The following NCAPD3 variants were observed in gnomAD, a reference collection of about 807,000 sequenced individuals.
The protein encoded by NCAPD3 is condensin-2 complex subunit D3.
Under a neutral mutation model 182.9 loss-of-function variants are expected in NCAPD3, and 105 were observed. The ratio of observed to expected loss-of-function variants is 0.57; its 90% CI spans 0.49 to 0.68. NCAPD3 has a LOEUF of 0.68. Ranked by LOEUF, NCAPD3 falls within the 30% of genes least tolerant of loss-of-function variation. NCAPD3 has a pLI of 0.00. For synonymous variants in NCAPD3, 815 were observed against 679.9 expected (o/e 1.20, Z -3.09); for missense variants, 1,944 against 1,837.0 (o/e 1.06, Z -1.07).
chr11:134,195,715 T>TA (rs945835070), intron 13 of NCAPD3, among the ~76,000 whole-genome samples: 14 of 151,026 alleles, frequency 9.3e-5, no homozygotes, highest in East Asian at 1.9e-4. Context: ...GACCCGATTT[T>TA]AAAAAAAAAG....
In NCAPD3 at chr11:134,158,484, A is replaced by C. The variant is rs770817848; in HGVS notation, c.3879T>G (p.Cys1293Trp). ...CAGCAGGAACTGGCACTGTTTCTAA[A>C]CACAGGGCAACCTGGTAGAGAAGAT... ...EVAPVAQVALCLETVPVPAGQ... is the reference protein window; with the variant it reads ...EVAPVAQVALWLETVPVPAGQ... The change falls in exon 30 of 35, where the codon TGT becomes TGG. Residue 1293 changes from cysteine to tryptophan, a missense_variant. By Grantham distance (215) the Cys-to-Trp change is radical. This residue lies in a region of NCAPD3 where 1,803 missense variants were observed against 1,674.6 expected (regional missense o/e 1.08). Transcript: ENST00000534548. 3.1e-6 allele frequency: 5 copies of C among 1,613,724 alleles called. No homozygotes were observed. Among genetic ancestry groups the C allele is most frequent in the Non-Finnish European group, 3.4e-6 (4 of 1,179,954 alleles).
At chr11:134,156,356 T>C (rs1400993967) in intron 32 of NCAPD3, among the ~76,000 whole-genome samples, 1 of 152,208 alleles carries the variant, frequency 6.6e-6, no homozygotes, top group Admixed American at 6.5e-5. Context: ...CGGCAGGGCC[T>C]AGCCACTACT....
chr11:134,192,848 A>G lies in NCAPD3; in HGVS notation c.1886T>C (p.Met629Thr). 1.2e-6 allele frequency: 2 copies of G among 1,614,140 alleles called. No individual in the cohort carries two copies. Among genetic ancestry groups the G allele is most frequent in the Middle Eastern group, 1.6e-4 (1 of 6,062 alleles). ...AWLRGVVPVV[M>T]DCESTVQEKA... ...CTCCTGCACAGTGCTCTCGCAGTCCATCACCACCGGGACCACCCCCCGCAA... is the reference window on the plus strand; with the variant it reads ...CTCCTGCACAGTGCTCTCGCAGTCCGTCACCACCGGGACCACCCCCCGCAA... The change falls in exon 16 of 35, where the codon ATG becomes ACG. Residue 629 changes from methionine (M) to threonine (T), a missense_variant. Around this residue, in one of 3 missense-constraint regions of NCAPD3, gnomAD observed 1,803 missense variants for 1,674.6 expected, o/e 1.08. Coordinates refer to ENST00000534548, the MANE Select transcript of NCAPD3 (RefSeq NM_015261.3).
At chr11:134,164,128 G>C (rs1309456311) in intron 27 of NCAPD3, among the ~76,000 whole-genome samples, 1 of 152,132 alleles carries the variant, frequency 6.6e-6, no homozygotes, top group Non-Finnish European at 1.5e-5. Flanking sequence ...ATACACATTG[G>C]CAATCCAGGC....
At chr11:134,208,731 A>G (rs568369900) in intron 7 of NCAPD3, 133 bp downstream of exon 7, 2 of 658,638 alleles carry the variant, frequency 3.0e-6, no homozygotes, top group Admixed American at 6.5e-5. Context: ...TATTATGCAA[A>G]TAATATAAGG....
At chr11:134,208,704 G>T (rs142184637) in intron 7 of NCAPD3, among the ~76,000 whole-genome samples, 160 bp downstream of exon 7, 13 of 152,274 alleles carry the variant, frequency 8.5e-5, no homozygotes, top group African/African-American at 3.1e-4. Flanking sequence ...AGAGCAAATA[G>T]AAATAGTGAT....
chr11:134,205,384 T>C (rs940588395), intron 8 of NCAPD3, among the ~76,000 whole-genome samples: 2 of 147,530 alleles, frequency 1.4e-5, no homozygotes, highest in South Asian at 4.2e-4. Context: ...AGAAATTTCT[T>C]TTTTTTTTTT....
chr11:134,154,420 C>T (rs1426849390), intron 32 of NCAPD3, among the ~76,000 whole-genome samples: 1 of 151,904 alleles, frequency 6.6e-6, no homozygotes, highest in Non-Finnish European at 1.5e-5. Context: ...ACAAACACGT[C>T]CACCCTCCTG....
At chr11:134,190,802 G>A (rs1944508715) in intron 16 of NCAPD3, among the ~76,000 whole-genome samples, 1 of 152,160 alleles carries the variant, frequency 6.6e-6, no homozygotes, top group African/African-American at 2.4e-5. Context: ...GTGGAGAGGT[G>A]GTGGCGATAA....
intron 3 of NCAPD3, among the ~76,000 whole-genome samples, chr11:134,214,470 T>C (rs569854519): frequency 2.0e-5 from 3 of 152,272 alleles, no homozygotes; most frequent in South Asian, 4.1e-4. Context: ...GAAATGCATG[T>C]GAGAACAAAG....
At chr11:134,222,955 G>C (rs896921383) in intron 1 of NCAPD3, 2 of 159,376 alleles carry the variant, frequency 1.3e-5, no homozygotes, top group Non-Finnish European at 2.8e-5. Context: ...TGACAGATCA[G>C]AAAACAGGGG....
chr11:134,194,021 G>A lies in NCAPD3; in HGVS notation c.1819C>T (p.Leu607Phe). 1 of 1,613,366 alleles carries A rather than the reference G, an allele frequency of 6.2e-7. No individual in the cohort carries two copies. The highest frequency in any genetic ancestry group is 1.1e-5 in the South Asian group (1 of 91,034). ...KQALQSLTEL[L>F]MAQPRCVQIQ... ...TATAATGTCCTGCCTCTCACCATAA[G>A]GAGTTCAGTAAGAGACTGGAGGGCC... is the stretch of plus-strand genomic sequence containing the variant. Residue 607 changes from leucine (L) to phenylalanine (F), a missense_variant, in exon 15 of 35, where the codon CTT becomes TTT. Leu to Phe is a conservative substitution (Grantham distance 22). Around this residue, in one of 3 missense-constraint regions of NCAPD3, gnomAD observed 1,803 missense variants for 1,674.6 expected, o/e 1.08. Transcript: ENST00000534548.
intron 15 of NCAPD3, among the ~76,000 whole-genome samples, 172 bp downstream of exon 15, chr11:134,193,844 A>G (rs1944571755): frequency 6.6e-6 from 1 of 152,272 alleles, no homozygotes; most frequent in Non-Finnish European, 1.5e-5. Flanking sequence ...TAGGAAGCAC[A>G]GTCTATCACA....
At chr11:134,164,837 G>A (rs1565522964) in intron 27 of NCAPD3, among the ~76,000 whole-genome samples, 1 of 149,872 alleles carries the variant, frequency 6.7e-6, no homozygotes, top group East Asian at 2.0e-4. Context: ...TAGGGGAGCT[G>A]AACACTCACG....
In NCAPD3 at chr11:134,168,466, T is replaced by C. The variant is rs1443575859; in HGVS notation, c.3373+3A>G. ...CATTTTCTCCCACACACACTGGGCT[T>C]ACCCAAAATACTAAGGCAGATTTTG... On this transcript the variant is annotated splice_donor_region_variant and intron_variant, in intron 26 of 34. Transcript: ENST00000534548. The C allele has an allele frequency of 1.2e-6, 2 of 1,614,032 alleles. No homozygotes were observed. Among genetic ancestry groups the C allele is most frequent in the Admixed American group, 3.3e-5 (2 of 60,004 alleles).
intron 30 of NCAPD3, 56 bp from the exon 31 acceptor site, chr11:134,158,123 A>T (rs952533525): frequency 1.3e-6 from 2 of 1,579,358 alleles, no homozygotes; most frequent in Non-Finnish European, 1.7e-6. Flanking sequence ...TGCAGAGGTG[A>T]CAGTGCTGCA....
chr11:134,166,804 A>C (rs1415074070), intron 27 of NCAPD3, among the ~76,000 whole-genome samples: 1 of 47,490 alleles, frequency 2.1e-5, no homozygotes, highest in Admixed American at 2.8e-4. Context: ...AGAGGAGCTT[A>C]GGGGAGCTGC....
At position 134,158,042 on chromosome 11, in the gene NCAPD3, T is replaced by C. The variant is rs1476510253; in HGVS notation, c.4060A>G (p.Ile1354Val). The change falls in exon 31 of 35, where the codon ATC becomes GTC. Residue 1354 changes from isoleucine (I) to valine (V), a missense_variant. This residue lies in a region of NCAPD3 where 1,803 missense variants were observed against 1,674.6 expected (regional missense o/e 1.08). Coordinates refer to ENST00000534548, the MANE Select transcript of NCAPD3 (RefSeq NM_015261.3). ...ACGGCTTTCTTGACAGAATTCAGGA[T>C]TGCAATGGTGCTCAGGGACATGGGC... ...ARPMSLSTIA[I>V]LNSVKKAVES... The C allele has an allele frequency of 4.3e-6, 7 of 1,614,118 alleles. No individual in the cohort carries two copies. Among genetic ancestry groups the C allele is most frequent in the Admixed American group, 1.7e-5 (1 of 60,014 alleles).
At position 134,158,442 on chromosome 11, in the gene NCAPD3, G is replaced by A. The variant is rs1460995115; in HGVS notation, c.3921C>T (p.Ala1307=). ...VPVPAGQENP[A]MSPAVSQPCT... is the part of the protein sequence containing the mutation. ...AGGGCTGGCTCACGGCAGGTGACAT[G>A]GCAGGGTTTTCTTGGCCAGCAGGAA... Residue 1307 remains alanine, a synonymous_variant, in exon 30 of 35, where the codon GCC becomes GCT. Coordinates refer to ENST00000534548, the MANE Select transcript of NCAPD3 (RefSeq NM_015261.3). 4 of 1,614,212 alleles carry A rather than the reference G, an allele frequency of 2.5e-6. No individual in the cohort carries two copies. In the Admixed American group the frequency reaches 5.0e-5, roughly 20 times the overall value.
Sources: allele counts gnomAD v4.1 joint callset (sites outside exome capture counted in the v4.1 genomes callset), GRCh38; gene constraint gnomAD v4.1.1; regional missense constraint gnomAD v4.1.1; transcripts MANE v1.5; gene names NCBI Gene and HGNC (gene_info 2026-07-23, HGNC 2026-07-21).